Variants in FAAH2 observed in about 807,000 individuals in gnomAD.
The protein encoded by FAAH2 is fatty acid amide hydrolase 2, also known as fatty-acid amide hydrolase 2.
A neutral mutation model predicts 36.9 loss-of-function variants in FAAH2; 60 were observed. The ratio of observed to expected loss-of-function variants is 1.63; its 90% CI spans 1.32 to 2.02. The LOEUF is 2.02. FAAH2 is among the 30% of genes most tolerant of loss of function. FAAH2 has a pLI of 0.00. For synonymous variants in FAAH2, 214 were observed against 143.8 expected (o/e 1.49, Z -3.49); for missense variants, 689 against 397.5 (o/e 1.73, Z -6.23).
the FAAH2 span, among the ~76,000 whole-genome samples, chrX:57,170,955 C>T: frequency 9.0e-6 from 1 of 110,768 alleles, no homozygotes; most frequent in South Asian, 3.8e-4. Flanking sequence ...AGTGATCTGC[C>T]CATGTCGGCT....
chrX:57,157,750 G>A, the FAAH2 span, among the ~76,000 whole-genome samples: 6 of 111,815 alleles, frequency 5.4e-5, no homozygotes, highest in Admixed American at 2.8e-4. Context: ...TTGGTGTTCC[G>A]CAGGGGGTAG....
chrX:57,443,187 A>G (rs2056601027), intron 8 of FAAH2, among the ~76,000 whole-genome samples: 2 of 111,834 alleles, frequency 1.8e-5, no homozygotes. Flanking sequence ...GTTCTCCTGG[A>G]TAATATCCTG....
chrX:57,162,507 G>T, the FAAH2 span, among the ~76,000 whole-genome samples: 1 of 111,737 alleles, frequency 8.9e-6, no homozygotes, highest in Admixed American at 9.5e-5. Context: ...CCAATCAGAC[G>T]TAGATTTGGT....
At chrX:57,446,566 G>A (rs1424260598) in intron 8 of FAAH2, among the ~76,000 whole-genome samples, 1 of 111,856 alleles carries the variant, frequency 8.9e-6, no homozygotes, top group Non-Finnish European at 1.9e-5. Flanking sequence ...CTCATTATCA[G>A]TCACTCTACA....
chrX:57,259,759 A>G, the FAAH2 span, among the ~76,000 whole-genome samples: 1 of 112,016 alleles, frequency 8.9e-6, no homozygotes, highest in Admixed American at 9.5e-5. Context: ...TAATTTTACA[A>G]TGTACACATG....
chrX:57,415,303 C>A (rs893602089), intron 7 of FAAH2, among the ~76,000 whole-genome samples: 1 of 111,210 alleles, frequency 9.0e-6, no homozygotes, highest in East Asian at 2.8e-4. Context: ...TCTAGTTCTT[C>A]TAATTGTGAT....
At chrX:57,252,037 C>A in the FAAH2 span, among the ~76,000 whole-genome samples, 1 of 112,753 alleles carries the variant, frequency 8.9e-6, no homozygotes, top group Admixed American at 9.3e-5. Context: ...AACCAACAGA[C>A]CAGGAGATTC....
At chrX:57,191,732 G>A in the FAAH2 span, among the ~76,000 whole-genome samples, 1 of 111,904 alleles carries the variant, frequency 8.9e-6, no homozygotes, top group Non-Finnish European at 1.9e-5. Context: ...ACAATTTATT[G>A]AAGAGAAGGT....
chrX:57,417,647 C>T (rs775866169), intron 7 of FAAH2, among the ~76,000 whole-genome samples: 1 of 111,612 alleles, frequency 9.0e-6, no homozygotes, highest in South Asian at 3.8e-4. Context: ...CACATGTGTC[C>T]TGTATGAGGT....
chrX:57,461,108 A>T (rs910046795), intron 10 of FAAH2, among the ~76,000 whole-genome samples: 5 of 107,900 alleles, frequency 4.6e-5, no homozygotes, highest in African/African-American at 1.7e-4. Context: ...TAACTATCCT[A>T]AACATACATG....
chrX:57,126,980 A>G, the FAAH2 span: 2 of 111,065 alleles, frequency 1.8e-5, no homozygotes, highest in African/African-American at 6.5e-5. Context: ...GAATATGAAT[A>G]CTCCGTGCAC....
intron 7 of FAAH2, among the ~76,000 whole-genome samples, chrX:57,423,889 A>G (rs1463165637): frequency 9.0e-6 from 1 of 111,140 alleles, no homozygotes; most frequent in East Asian, 2.8e-4. Context: ...TCAAGCTTGA[A>G]CCCCACAGCC....
intron 3 of FAAH2, among the ~76,000 whole-genome samples, chrX:57,318,307 GAC>G (rs1267763419): frequency 9.0e-6 from 1 of 111,299 alleles, no homozygotes; most frequent in East Asian, 2.8e-4. Context: ...GAATCAAATA[GAC>G]ACAATAAAAA....
chrX:57,261,681 T>G, the FAAH2 span, among the ~76,000 whole-genome samples: 1 of 108,953 alleles, frequency 9.2e-6, no homozygotes, highest in South Asian at 3.9e-4. Context: ...GGAGGTGGAA[T>G]ATACGGAACA....
At chrX:57,296,140 A>G (rs1292627253) in intron 2 of FAAH2, among the ~76,000 whole-genome samples, 3 of 112,427 alleles carry the variant, frequency 2.7e-5, no homozygotes, top group African/African-American at 6.5e-5. Context: ...ATCTGAGAAC[A>G]GGCAGACTGC....
At chrX:57,371,229 T>A (rs1164124134) in intron 5 of FAAH2, among the ~76,000 whole-genome samples, 1 of 111,619 alleles carries the variant, frequency 9.0e-6, no homozygotes, top group Non-Finnish European at 1.9e-5. Context: ...AGGTACCTTT[T>A]TGACCCTTGC....
At chrX:57,274,313 C>T in the FAAH2 span, among the ~76,000 whole-genome samples, 3 of 111,726 alleles carry the variant, frequency 2.7e-5, no homozygotes, top group Non-Finnish European at 5.6e-5. Context: ...GATTCACAGC[C>T]GAATTCTACC....
rs1401394684 is a variant in FAAH2 at position 57,394,111 on chromosome X, G to C, written c.996+13082G>C. 3 of 719,207 alleles carry C rather than the reference G, an allele frequency of 4.2e-6. No individual in the cohort carries two copies. The Admixed American group carries it at 6.7e-5, about 16-fold the overall frequency. The allele number at this position is 719,207 out of a possible 1,213,427, so 59.3% of individuals were successfully genotyped here. ...TATTAGATACAGTGATGGCATGGAT[G>C]TCACCTGTGAGGTGAAGATTAAACT... On this transcript the variant is annotated intron_variant, in intron 7 of 10. Coordinates refer to ENST00000374900, the MANE Select transcript of FAAH2 (RefSeq NM_174912.4).
chrX:57,137,291 G>A, the FAAH2 span: 26 of 758,944 alleles, frequency 3.4e-5, no homozygotes, highest in Non-Finnish European at 3.9e-5. Flanking sequence ...AGCCTGTGGC[G>A]AAGGAGGGTC....
Sources: gnomAD v4.1 joint callset for allele counts (sites outside exome capture counted in the v4.1 genomes callset) on GRCh38, gnomAD v4.1.1 for gene constraint, MANE v1.5 for transcripts, NCBI Gene and HGNC (gene_info 2026-07-23, HGNC 2026-07-21) for gene names.